Variants in ZNF559 observed in about 807,000 individuals in gnomAD.
The protein encoded by ZNF559 is putative protein product of Nbla00121.
Under a neutral mutation model 14.2 loss-of-function variants are expected in ZNF559, and 17 were observed. The observed-to-expected ratio is 1.20, with a 90% confidence interval of 0.82 to 1.80. The LOEUF is 1.80. Among genes scored for constraint, ZNF559 ranks in the 40% most tolerant of loss-of-function variants. The pLI is 0.00. For synonymous variants in ZNF559, 244 were observed against 212.4 expected (o/e 1.15, Z -1.29); for missense variants, 740 against 629.7 (o/e 1.18, Z -1.88).
rs773298831 is a variant in ZNF559 at position 9,343,026 on chromosome 19, G to T, written c.1575G>T (p.Gly525=). The T allele has an allele frequency of 1.2e-6, 2 of 1,613,794 alleles. No individual in the cohort carries two copies. The highest frequency in any genetic ancestry group is 2.7e-5 in the African/African-American group (2 of 75,034). ...TGGAGAAACCATATAAGGAATGTGG[G>T]CAAACCTTTAGTAATTCCTCATGCC... ...HSVEKPYKEC[G]QTFSNSSCLT... Residue 525 remains glycine (G), a synonymous_variant, in exon 7 of 7, where the codon GGG becomes GGT. Coordinates refer to ENST00000603380, the MANE Select transcript of ZNF559 (RefSeq NM_032497.3).
At chr19:9,337,652 C>A in intron 2 of ZNF559, 144 bp from the exon 3 acceptor site, 1 of 410,334 alleles carries the variant, frequency 2.4e-6, no homozygotes, top group East Asian at 7.0e-5. Context: ...ATGATAGTAA[C>A]AAAAACTGCT....
At chr19:9,327,182 G>A (rs766189362) in intron 2 of ZNF559, among the ~76,000 whole-genome samples, 1 of 152,074 alleles carries the variant, frequency 6.6e-6, no homozygotes, top group Non-Finnish European at 1.5e-5. Flanking sequence ...GGCTACAGGG[G>A]AATATTCTGT....
At position 9,342,982 on chromosome 19, in the gene ZNF559, C is replaced by T; in HGVS notation, c.1531C>T (p.His511Tyr). 6.2e-7 allele frequency: 1 copy of T among 1,614,222 alleles called. No individual in the cohort carries two copies. Among genetic ancestry groups the T allele is most frequent in the Non-Finnish European group, 8.5e-7 (1 of 1,180,038 alleles). The change falls in exon 7 of 7, where the codon CAT becomes TAT. Residue 511 changes from histidine (H) to tyrosine (Y), a missense_variant. His to Tyr is a moderately conservative substitution (Grantham distance 83). Transcript: ENST00000603380. ...AFTRSTYLIRHLRSHSVEKPY... is the reference protein window; with the variant it reads ...AFTRSTYLIRYLRSHSVEKPY... Reference sequence around the variant, plus strand: ...TACTCGGTCCACATATCTTATTCGACATCTAAGAAGTCATAGTGTGGAGAA... The same window carrying T: ...TACTCGGTCCACATATCTTATTCGATATCTAAGAAGTCATAGTGTGGAGAA...
chr19:9,324,500 A>G, intron 1 of ZNF559, 195 bp from the exon 2 acceptor site: 1 of 1,362,998 alleles, frequency 7.3e-7, no homozygotes, highest in Non-Finnish European at 9.7e-7. Context: ...CCCTCTGCAG[A>G]AGCCTCATAG....
chr19:9,324,520 C>T (rs1187344964), intron 1 of ZNF559, 175 bp from the exon 2 acceptor site: 3 of 1,277,812 alleles, frequency 2.3e-6, no homozygotes, highest in Non-Finnish European at 3.1e-6. Context: ...GGGCCCGGCG[C>T]GGCGGCTCAC....
chr19:9,338,318 C>G (rs1162834464), intron 3 of ZNF559, among the ~76,000 whole-genome samples, 176 bp from the exon 4 acceptor site: 4 of 151,990 alleles, frequency 2.6e-5, no homozygotes, highest in African/African-American at 9.7e-5. Context: ...AACTCTCTCT[C>G]TCCTGGTCAT....
chr19:9,341,977 A>G lies in ZNF559; in HGVS notation c.526A>G (p.Lys176Glu). ...TAGCCAAAATCTACATCTTGTTTGC[A>G]AGAAAACTCACACTCAAGAGAAACC... is the stretch of plus-strand genomic sequence containing the variant. ...KTSQNLHLVC[K>E]KTHTQEKPYK... The change falls in exon 7 of 7, where the codon AAG becomes GAG. Residue 176 changes from lysine (K) to glutamate (E), a missense_variant. Transcript: ENST00000603380. 1 of 1,613,682 alleles carries G rather than the reference A, an allele frequency of 6.2e-7. No homozygotes were observed. Among genetic ancestry groups the G allele is most frequent in the East Asian group, 2.2e-5 (1 of 44,864 alleles).
rs1012090065 is a variant in ZNF559 at position 9,337,956 on chromosome 19, A to G, written c.-57+98A>G. The G allele has an allele frequency of 5.2e-6, 8 of 1,536,046 alleles. No individual in the cohort carries two copies. The Admixed American group carries it at 1.6e-4, about 30-fold the overall frequency. Reference sequence around the variant, plus strand: ...GTCTCGAAGAGACTTTGGGAACAAGATATTCAGGCACATTTCACTGTTAGA... The same window carrying G: ...GTCTCGAAGAGACTTTGGGAACAAGGTATTCAGGCACATTTCACTGTTAGA... On this transcript the variant is annotated intron_variant, in intron 3 of 6. Coordinates refer to ENST00000603380, the MANE Select transcript of ZNF559 (RefSeq NM_032497.3).
chr19:9,333,697 C>G (rs769134317), intron 2 of ZNF559, among the ~76,000 whole-genome samples: 1 of 151,276 alleles, frequency 6.6e-6, no homozygotes, highest in East Asian at 1.9e-4. Context: ...CCCCCACCCC[C>G]ACCCAGAAAC....
At position 9,342,096 on chromosome 19, in the gene ZNF559, TAAG is replaced by T; in HGVS notation, c.646_648del (p.Lys216del). 6.2e-7 allele frequency: 1 copy of T among 1,613,426 alleles called. No individual in the cohort carries two copies. Among genetic ancestry groups the T allele is most frequent in the Non-Finnish European group, 8.5e-7 (1 of 1,179,820 alleles). On this transcript the variant is annotated inframe_deletion, in exon 7 of 7. Coordinates refer to ENST00000603380, the MANE Select transcript of ZNF559 (RefSeq NM_032497.3). ...ATGGTGGAGAGAGACCATATACTCA[TAAG>T]GAGTATGTCGAAACCTTTTCTCATT...
At chr19:9,324,397 A>G in intron 1 of ZNF559, 169 bp downstream of exon 1, 4 of 1,479,700 alleles carry the variant, frequency 2.7e-6, no homozygotes, top group African/African-American at 1.4e-5. Context: ...TCTGAGAGCC[A>G]CAGTCAGGTC....
rs904074002 is a variant in ZNF559 at position 9,328,348 on chromosome 19, CTTTTTTTTT to C, written c.-120+3584_-120+3592del. On this transcript the variant is annotated intron_variant, in intron 2 of 6. Transcript: ENST00000603380. ...TTGACATACTATTAGGCTTGTTTGTCTTTTTTTTTTTTTTTTTTTTTTTTGAGACGGAGT... is the reference window on the plus strand; with the variant it reads ...TTGACATACTATTAGGCTTGTTTGTCTTTTTTTTTTTTTTTGAGACGGAGT... 8.2e-5 allele frequency among the ~76,000 whole-genome samples: 5 copies of C among 61,014 alleles called. 1 individual carries two copies. The highest frequency in any genetic ancestry group is 4.8e-4 in the East Asian group (1 of 2,086). 40.0% of individuals were successfully genotyped at this position (61,014 alleles called of 152,430 possible).
intron 2 of ZNF559, among the ~76,000 whole-genome samples, chr19:9,334,949 A>G (rs1209818246): frequency 2.6e-5 from 4 of 152,060 alleles, no homozygotes; most frequent in Non-Finnish European, 5.9e-5. Flanking sequence ...CCTGGCTAGC[A>G]TGGTGAAACC....
In ZNF559 at chr19:9,343,348, G is replaced by A. The variant is rs537446639; in HGVS notation, c.*280G>A. The A allele has an allele frequency of 1.7e-5, 20 of 1,190,864 alleles. No homozygotes were observed. In the East Asian group the frequency reaches 8.6e-4, roughly 51 times the overall value. The allele number at this position is 1,190,864 out of a possible 1,614,324, so 73.8% of individuals were successfully genotyped here. ...CCTGTCGATGCTTACATCTTACTGA[G>A]TCTGTTTGAACTCATGCTGGAGAGA... On this transcript the variant is annotated 3_prime_UTR_variant, in exon 7 of 7. Transcript: ENST00000603380.
intron 2 of ZNF559, among the ~76,000 whole-genome samples, chr19:9,335,270 C>T (rs754436665): frequency 2.2e-4 from 33 of 152,134 alleles, no homozygotes; most frequent in Non-Finnish European, 3.2e-4. Flanking sequence ...GGAACCCCTT[C>T]TCCATTCCAG....
rs1248619770 is a variant in ZNF559, at chr19:9,340,740, T to TTTTTTTTG, written c.161-355_161-354insGTTTTTTT. Among the ~76,000 whole-genome samples the TTTTTTTTG allele has an allele frequency of 2.0e-5, 3 of 147,574 alleles. No individual in the cohort carries two copies. In the East Asian group the frequency reaches 5.9e-4, roughly 29 times the overall value. On this transcript the variant is annotated intron_variant, in intron 5 of 6. Coordinates refer to ENST00000603380, the MANE Select transcript of ZNF559 (RefSeq NM_032497.3). Reference sequence around the variant, plus strand: ...TGCCACCTTGCCTGGCTAATTTTTTTTTTTTTTTTGTATTTTAGTAAAGAT... The same window carrying TTTTTTTTG: ...TGCCACCTTGCCTGGCTAATTTTTTTTTTTTTTGTTTTTTTTTGTATTTTAGTAAAGAT...
chr19:9,324,083 G>C, upstream of ZNF559: 1 of 1,445,884 alleles, frequency 6.9e-7, no homozygotes, highest in South Asian at 1.2e-5. Flanking sequence ...CTCTGGGTTG[G>C]AAAAAGCCGC....
chr19:9,330,412 TTCTC>T (rs1164619568), intron 2 of ZNF559, among the ~76,000 whole-genome samples: 1 of 152,192 alleles, frequency 6.6e-6, no homozygotes, highest in Non-Finnish European at 1.5e-5. Context: ...TTCTACTCAT[TTCTC>T]TCTCTGCTCC....
At chr19:9,338,359 G>A (rs764679027) in intron 3 of ZNF559, 135 bp from the exon 4 acceptor site, 6 of 654,562 alleles carry the variant, frequency 9.2e-6, no homozygotes, top group Non-Finnish European at 1.3e-5. Context: ...CTGGCTTCAG[G>A]TGAGACAGGC....
Sources: gnomAD v4.1 joint callset for allele counts (sites outside exome capture counted in the v4.1 genomes callset) on GRCh38, gnomAD v4.1.1 for gene constraint, MANE v1.5 for transcripts, NCBI Gene and HGNC (gene_info 2026-07-23, HGNC 2026-07-21) for gene names.